The following DDX60L variants were observed in gnomAD, a reference collection of about 807,000 sequenced individuals.
DDX60L encodes probable ATP-dependent RNA helicase DDX60-like.
Under a neutral mutation model 211.6 loss-of-function variants are expected in DDX60L, and 191 were observed. The ratio of observed to expected loss-of-function variants is 0.90; its 90% CI spans 0.80 to 1.02. The LOEUF is 1.02. Ranked by LOEUF, DDX60L falls within the 50% of genes least tolerant of loss-of-function variation. DDX60L has a pLI of 0.00. For synonymous variants in DDX60L, 706 were observed against 694.1 expected (o/e 1.02, Z -0.27); for missense variants, 2,007 against 1,984.1 (o/e 1.01, Z -0.22).
intron 26 of DDX60L, among the ~76,000 whole-genome samples, chr4:168,398,738 T>C (rs1345638116): frequency 6.6e-6 from 1 of 152,148 alleles, no homozygotes; most frequent in African/African-American, 2.4e-5. Context: ...GACGACCAGC[T>C]TCCGAGAGGA....
intron 1 of DDX60L, chr4:168,476,257 G>A (rs1049037495): frequency 6.6e-6 from 1 of 152,082 alleles, no homozygotes; most frequent in African/African-American, 2.4e-5. Flanking sequence ...TAAATAGTAT[G>A]AGAAGTTTGT....
At chr4:168,434,418 C>T (rs1468351637) in intron 10 of DDX60L, among the ~76,000 whole-genome samples, 1 of 152,158 alleles carries the variant, frequency 6.6e-6, no homozygotes, top group Non-Finnish European at 1.5e-5. Context: ...GAGGACACAC[C>T]TTCCACCACA....
rs146673577 is a variant in DDX60L at position 168,358,089 on chromosome 4, A to C, written c.*58T>G. The C allele has an allele frequency of 4.5e-3, 6,638 of 1,479,052 alleles. 26 individuals carry two copies. The highest frequency in any genetic ancestry group is 6.9e-3 in the South Asian group (573 of 83,596). 91.6% of individuals were successfully genotyped at this position (1,479,052 alleles called of 1,614,324 possible). ...CATTTCATTGTGTAAGCTTAATTAT[A>C]TCTCTCCTTGCAAAGGGATAAATAC... On this transcript the variant is annotated 3_prime_UTR_variant, in exon 38 of 38. Transcript: ENST00000682922.
chr4:168,420,129 C>T (rs1345101326), intron 18 of DDX60L, 132 bp downstream of exon 18: 8 of 795,654 alleles, frequency 1.0e-5, no homozygotes, highest in Non-Finnish European at 1.5e-5. Flanking sequence ...TTCCTTAGAG[C>T]AATTTCATTT....
intron 5 of DDX60L, 129 bp from the exon 6 acceptor site, chr4:168,458,137 T>C: frequency 3.8e-6 from 2 of 527,596 alleles, no homozygotes; most frequent in South Asian, 3.6e-5. Flanking sequence ...TGGCGATTAC[T>C]AAAAAGTCAA....
At chr4:168,411,079 T>A (rs1358769545) in intron 22 of DDX60L, among the ~76,000 whole-genome samples, 1 of 152,264 alleles carries the variant, frequency 6.6e-6, no homozygotes, top group Non-Finnish European at 1.5e-5. Context: ...GAAGAATGTA[T>A]ACACACACAA....
chr4:168,386,825 G>A (rs1310084707), intron 29 of DDX60L, among the ~76,000 whole-genome samples: 1 of 152,144 alleles, frequency 6.6e-6, no homozygotes, highest in Non-Finnish European at 1.5e-5. Context: ...ACAGAGATTA[G>A]AAAGATGGTT....
chr4:168,449,652 C>CAAAAAAAAAAAAAAAAAAAAAAAAAAAA, intron 8 of DDX60L, among the ~76,000 whole-genome samples: 4 of 7,932 alleles, frequency 5.0e-4, no homozygotes, highest in Non-Finnish European at 6.8e-4. Context: ...AAAAAAAATG[C>CAAAAAAAAAAAAAAAAAAAAAAAAAAAA]AAAAAAAAAA....
rs1358890989 is a variant in DDX60L at position 168,427,097 on chromosome 4, C to T, written c.1903G>A (p.Ala635Thr). 1 of 1,605,572 alleles carries T rather than the reference C, an allele frequency of 6.2e-7. No individual in the cohort carries two copies. Among genetic ancestry groups the T allele is most frequent in the Non-Finnish European group, 8.5e-7 (1 of 1,175,098 alleles). ...EMLGLIACFK[A>T]WKKHCRGEGK... is the part of the protein sequence containing the mutation. ...TCACCTCGGCAATGTTTTTTCCATG[C>T]TTTAAAGCAGGCAATTAATCCTAAC... The change falls in exon 14 of 38, where the codon GCA (alanine) becomes ACA (threonine). Residue 635 changes from alanine (A) to threonine (T), a missense_variant. Coordinates refer to ENST00000682922, the MANE Select transcript of DDX60L (RefSeq NM_001012967.3).
chr4:168,451,721 T>C (rs182877577), intron 8 of DDX60L, among the ~76,000 whole-genome samples: 179 of 152,318 alleles, frequency 1.2e-3, no homozygotes, highest in Middle Eastern at 3.4e-3. Flanking sequence ...ATTCTTAGGA[T>C]TTCCTAAGTC....
intron 5 of DDX60L, among the ~76,000 whole-genome samples, chr4:168,460,483 G>A (rs2150095007): frequency 1.3e-5 from 2 of 152,208 alleles, no homozygotes; most frequent in East Asian, 3.9e-4. Flanking sequence ...CCAGTTAAAT[G>A]CATTTCTTGC....
intron 25 of DDX60L, among the ~76,000 whole-genome samples, chr4:168,402,800 A>G (rs1319034912): frequency 6.6e-6 from 1 of 152,232 alleles, no homozygotes; most frequent in East Asian, 1.9e-4. Context: ...AATGTTCCAG[A>G]GCTACAAACC....
In DDX60L at chr4:168,430,638, T is replaced by C. The variant is rs752192335; in HGVS notation, c.1517A>G (p.Glu506Gly). Residue 506 changes from glutamate to glycine, a missense_variant and splice_region_variant, in exon 13 of 38, where the codon GAA becomes GGA. Glu to Gly is a moderately conservative substitution (Grantham distance 98). Transcript: ENST00000682922. ...DYDRIKCHVDEQSRDPHVLDF... is the reference protein window; with the variant it reads ...DYDRIKCHVDGQSRDPHVLDF... ...AAGAACATGAGGATCTCTAGATTGT[T>C]CTGAAATAGAAAGACTTAAAATGTA... is the stretch of plus-strand genomic sequence containing the variant. 7.8e-6 allele frequency: 12 copies of C among 1,534,998 alleles called. No homozygotes were observed. The Admixed American group carries it at 2.4e-4, about 31-fold the overall frequency.
In DDX60L at chr4:168,406,068, G is replaced by A. The variant is rs865778948; in HGVS notation, c.3095C>T (p.Pro1032Leu). The A allele has an allele frequency of 1.3e-6, 2 of 1,591,488 alleles. No homozygotes were observed. Among genetic ancestry groups the A allele is most frequent in the Non-Finnish European group, 1.7e-6 (2 of 1,172,590 alleles). Residue 1032 changes from proline (P) to leucine (L), a missense_variant, in exon 24 of 38, where the codon CCA (proline) becomes CTA (leucine). Pro to Leu is a moderately conservative substitution (Grantham distance 98, BLOSUM62 -3). Coordinates refer to ENST00000682922, the MANE Select transcript of DDX60L (RefSeq NM_001012967.3). Reference protein sequence around the residue: ...ETWPRAQELCPEEFILFKNKI... With the variant: ...ETWPRAQELCLEEFILFKNKI... ...ATTCTTAAAAAGAATGAATTCCTCTGGACACAATTCCTTGGGGGGAAAATT... is the reference window on the plus strand; with the variant it reads ...ATTCTTAAAAAGAATGAATTCCTCTAGACACAATTCCTTGGGGGGAAAATT...
chr4:168,430,379 G>A (rs1008184265), intron 13 of DDX60L, 99 bp downstream of exon 13: 2 of 1,053,908 alleles, frequency 1.9e-6, no homozygotes, highest in Admixed American at 3.2e-5. Flanking sequence ...GCAAACATGA[G>A]AAAGAAGAGA....
intron 7 of DDX60L, among the ~76,000 whole-genome samples, chr4:168,455,285 T>TGTGTGTGTGTGC (rs1363575873): frequency 6.6e-6 from 1 of 151,488 alleles, no homozygotes; most frequent in Non-Finnish European, 1.5e-5. Context: ...TGTGTGTGTG[T>TGTGTGTGTGTGC]GTGTGTGTGT....
chr4:168,400,486 G>T (rs1465167630), intron 26 of DDX60L, among the ~76,000 whole-genome samples: 3 of 152,116 alleles, frequency 2.0e-5, no homozygotes, highest in African/African-American at 4.8e-5. Flanking sequence ...CCCACCAATA[G>T]TGAATAAGCG....
intron 19 of DDX60L, among the ~76,000 whole-genome samples, chr4:168,418,314 C>T (rs1035923285): frequency 1.3e-5 from 2 of 152,122 alleles, no homozygotes; most frequent in South Asian, 2.1e-4. Context: ...GTGATCCACC[C>T]GCCTCAGCCT....
At chr4:168,376,934 G>A (rs1315071271) in intron 33 of DDX60L, among the ~76,000 whole-genome samples, 1 of 152,166 alleles carries the variant, frequency 6.6e-6, no homozygotes, top group Non-Finnish European at 1.5e-5. Flanking sequence ...CATAATATAA[G>A]AGGTACATGA....
Sources: gnomAD v4.1 joint callset for allele counts (sites outside exome capture counted in the v4.1 genomes callset) on GRCh38, gnomAD v4.1.1 for gene constraint, MANE v1.5 for transcripts, NCBI Gene and HGNC (gene_info 2026-07-23, HGNC 2026-07-21) for gene names.